The following ANKRD33B variants were observed in gnomAD, a reference collection of about 807,000 sequenced individuals.
The protein encoded by ANKRD33B is ankyrin repeat domain 33B, also known as ankyrin repeat domain-containing protein 33B.
In ANKRD33B, 6 loss-of-function variants were observed where a neutral mutation model predicts 21.5. That is an observed-to-expected ratio of 0.28 (90% CI 0.15 to 0.55). The LOEUF is 0.55. Among genes scored for constraint, ANKRD33B ranks in the 20% least tolerant of loss-of-function variants. The pLI is 0.94. For synonymous variants in ANKRD33B, 347 were observed against 342.4 expected (o/e 1.01, Z -0.15); for missense variants, 698 against 747.2 (o/e 0.93, Z 0.77).
At chr5:10,579,370 A>G (rs1735393286) in intron 1 of ANKRD33B, among the ~76,000 whole-genome samples, 1 of 151,468 alleles carries the variant, frequency 6.6e-6, no homozygotes, top group African/African-American at 2.4e-5. Flanking sequence ...TTTTTTTGGA[A>G]AAACCATTTG....
chr5:10,592,198 C>T (rs1485497281), intron 1 of ANKRD33B, among the ~76,000 whole-genome samples: 2 of 151,990 alleles, frequency 1.3e-5, no homozygotes, highest in African/African-American at 4.8e-5. Flanking sequence ...AAGACAGGGT[C>T]TTATTTTGGG....
At chr5:10,589,569 A>C (rs578036431) in intron 1 of ANKRD33B, among the ~76,000 whole-genome samples, 1 of 152,360 alleles carries the variant, frequency 6.6e-6, no homozygotes, top group Admixed American at 6.5e-5. Flanking sequence ...TGAGGCTGAG[A>C]CATATTTCAT....
chr5:10,568,958 TGAG>T (rs1735115792), intron 1 of ANKRD33B, among the ~76,000 whole-genome samples: 1 of 152,184 alleles, frequency 6.6e-6, no homozygotes, highest in Admixed American at 6.5e-5. Flanking sequence ...CCTTTACTCT[TGAG>T]GTGCTTAAAA....
intron 1 of ANKRD33B, among the ~76,000 whole-genome samples, chr5:10,596,609 T>C (rs1735821919): frequency 2.0e-5 from 3 of 152,138 alleles, no homozygotes; most frequent in Non-Finnish European, 4.4e-5. Flanking sequence ...TGGAACCAAT[T>C]TGGAAAACAT....
At chr5:10,598,781 G>A (rs2126566866) in intron 1 of ANKRD33B, among the ~76,000 whole-genome samples, 1 of 152,204 alleles carries the variant, frequency 6.6e-6, no homozygotes, top group Non-Finnish European at 1.5e-5. Context: ...AGCCAGGCAT[G>A]GTGGCTCATG....
Position 10,650,159 on chromosome 5 carries a change from G to A in ANKRD33B, c.*46G>A. 7.0e-7 allele frequency: 1 copy of A among 1,421,172 alleles called. No individual in the cohort carries two copies. Among genetic ancestry groups the A allele is most frequent in the Non-Finnish European group, 9.1e-7 (1 of 1,094,002 alleles). 88.0% of individuals were successfully genotyped at this position (1,421,172 alleles called of 1,614,324 possible). A position where few individuals can be genotyped will look rare whatever the true frequency, so the allele number is the denominator to read the frequency against. ...GGGGCCGGGGCTGGGGCCGGGGCGG[G>A]GCCGCAGGGCTGGGCGCGGAGAAGG... On this transcript the variant is annotated 3_prime_UTR_variant, in exon 4 of 4. Coordinates refer to ENST00000296657, the MANE Select transcript of ANKRD33B (RefSeq NM_001164440.2).
intron 1 of ANKRD33B, among the ~76,000 whole-genome samples, chr5:10,607,852 T>C (rs1736083887): frequency 6.6e-6 from 1 of 152,178 alleles, no homozygotes; most frequent in Non-Finnish European, 1.5e-5. Flanking sequence ...TAAAGCTCCT[T>C]GTTACTGAGT....
chr5:10,573,216 C>G (rs1735239978), intron 1 of ANKRD33B, among the ~76,000 whole-genome samples: 1 of 152,162 alleles, frequency 6.6e-6, no homozygotes, highest in African/African-American at 2.4e-5. Context: ...CACCTGTAAT[C>G]CCAGCACTTT....
intron 1 of ANKRD33B, among the ~76,000 whole-genome samples, chr5:10,602,174 T>A (rs1451638232): frequency 6.6e-6 from 1 of 152,194 alleles, no homozygotes; most frequent in Non-Finnish European, 1.5e-5. Flanking sequence ...GGTGTAGAGA[T>A]AACACCACCA....
At chr5:10,580,361 G>T (rs1033166306) in intron 1 of ANKRD33B, among the ~76,000 whole-genome samples, 1 of 152,170 alleles carries the variant, frequency 6.6e-6, no homozygotes, top group Non-Finnish European at 1.5e-5. Flanking sequence ...CTCCGAGTGT[G>T]GTCCCCACCC....
At chr5:10,638,663 G>T (rs572036138) in intron 3 of ANKRD33B, among the ~76,000 whole-genome samples, 2 of 151,980 alleles carry the variant, frequency 1.3e-5, no homozygotes, top group African/African-American at 2.4e-5. Flanking sequence ...GAGTTGCATG[G>T]TAACGTTGGG....
At chr5:10,629,832 C>T (rs1736664727) in intron 2 of ANKRD33B, among the ~76,000 whole-genome samples, 1 of 152,058 alleles carries the variant, frequency 6.6e-6, no homozygotes, top group East Asian at 1.9e-4. Flanking sequence ...GAGCGTGTTT[C>T]AGAAAGGATG....
intron 2 of ANKRD33B, among the ~76,000 whole-genome samples, chr5:10,636,130 G>A (rs1248901874): frequency 6.6e-6 from 1 of 151,980 alleles, no homozygotes; most frequent in African/African-American, 2.4e-5. Context: ...GGAGATTCTG[G>A]GCCCAGGGCC....
At position 10,567,073 on chromosome 5, in the gene ANKRD33B, G is replaced by A. The variant is rs1225817290; in HGVS notation, c.366+2240G>A. Among the ~76,000 whole-genome samples, 4 of 152,158 alleles carry A rather than the reference G, an allele frequency of 2.6e-5. No homozygotes were observed. In the South Asian group the frequency reaches 8.3e-4, roughly 32 times the overall value. ...TGAAGACTTTGTTTCTCTGTGTCACGTAAAATAATGATGTAGGCCCGGACA... is the reference window on the plus strand; with the variant it reads ...TGAAGACTTTGTTTCTCTGTGTCACATAAAATAATGATGTAGGCCCGGACA... On this transcript the variant is annotated intron_variant, in intron 1 of 3. Transcript: ENST00000296657.
chr5:10,606,034 T>C (rs1736038724), intron 1 of ANKRD33B, among the ~76,000 whole-genome samples: 1 of 152,250 alleles, frequency 6.6e-6, no homozygotes, highest in South Asian at 2.1e-4. Context: ...CACATAATGC[T>C]TGTATGATCA....
intron 2 of ANKRD33B, among the ~76,000 whole-genome samples, chr5:10,635,080 T>TA (rs2126597212): frequency 6.6e-6 from 1 of 152,052 alleles, no homozygotes; most frequent in African/African-American, 2.4e-5. Context: ...CTCAACATAA[T>TA]ACGCAGAACA....
At chr5:10,634,328 G>C (rs1378145374) in intron 2 of ANKRD33B, among the ~76,000 whole-genome samples, 2 of 133,684 alleles carry the variant, frequency 1.5e-5, no homozygotes. Context: ...AAGCAGGGTA[G>C]GGCTTATTGG....
At chr5:10,609,457 G>T (rs1736118771) in intron 1 of ANKRD33B, among the ~76,000 whole-genome samples, 1 of 152,024 alleles carries the variant, frequency 6.6e-6, no homozygotes, top group Admixed American at 6.6e-5. Context: ...GAGGCTGAGG[G>T]GGGAGGATTG....
At chr5:10,574,741 A>G (rs1735279266) in intron 1 of ANKRD33B, among the ~76,000 whole-genome samples, 2 of 152,206 alleles carry the variant, frequency 1.3e-5, no homozygotes, top group Admixed American at 6.5e-5. Context: ...TAGCACAGTT[A>G]AAACAAAGAT....
Sources: allele counts gnomAD v4.1 joint callset (sites outside exome capture counted in the v4.1 genomes callset), GRCh38; gene constraint gnomAD v4.1.1; transcripts MANE v1.5; gene names NCBI Gene and HGNC (gene_info 2026-07-23, HGNC 2026-07-21).